Variants in FANCL observed in about 807,000 individuals in gnomAD.
FANCL encodes the protein FA complementation group L.
Under a neutral mutation model 59.4 loss-of-function variants are expected in FANCL, and 69 were observed. The observed-to-expected ratio is 1.16, with a 90% CI of 0.96 to 1.42. FANCL has a LOEUF of 1.42. FANCL is among the 40% of genes most tolerant of loss of function. The probability of loss-of-function intolerance (pLI) is 0.00; values close to 1 mark genes in which losing one functional copy is unlikely to be tolerated. For missense variants in FANCL, 519 were observed against 447.2 expected (o/e 1.16, Z -1.45); for synonymous variants, 180 against 147.1 (o/e 1.22, Z -1.62).
chr2:58,179,546 A>G (rs1408189931), intron 7 of FANCL, among the ~76,000 whole-genome samples: 1 of 152,214 alleles, frequency 6.6e-6, no homozygotes, highest in African/African-American at 2.4e-5. Flanking sequence ...AGAAAACTCA[A>G]ACGGGACCCC....
At chr2:58,236,335 CAGTATCAAA>C (rs1694019869) in intron 1 of FANCL, among the ~76,000 whole-genome samples, 1 of 151,732 alleles carries the variant, frequency 6.6e-6, no homozygotes, top group African/African-American at 2.4e-5. Flanking sequence ...AACATCTTTA[CAGTATCAAA>C]AGTGACAAAA....
At position 58,204,237 on chromosome 2, in the gene FANCL, G is replaced by A. The variant is rs375626670; in HGVS notation, c.375-11C>T. The A allele has an allele frequency of 3.1e-6, 5 of 1,605,726 alleles. No individual in the cohort carries two copies. In the African/African-American group the frequency reaches 5.4e-5, roughly 17 times the overall value. On this transcript the variant is annotated splice_polypyrimidine_tract_variant and intron_variant, in intron 5 of 13. Transcript: ENST00000233741. ...TCCGCATACACAAGTCTGGTGAGCAGAGGAGAATAAAAAATGATCACACCG... is the reference window on the plus strand; with the variant it reads ...TCCGCATACACAAGTCTGGTGAGCAAAGGAGAATAAAAAATGATCACACCG...
At chr2:58,195,988 A>T (rs1689386649) in intron 7 of FANCL, among the ~76,000 whole-genome samples, 1 of 152,184 alleles carries the variant, frequency 6.6e-6, no homozygotes, top group African/African-American at 2.4e-5. Context: ...GTTTGTCAGA[A>T]TTTGTGAATA....
chr2:58,220,921 T>C (rs1434997609), intron 5 of FANCL, among the ~76,000 whole-genome samples: 1 of 152,036 alleles, frequency 6.6e-6, no homozygotes, highest in Non-Finnish European at 1.5e-5. Flanking sequence ...GGTTAAGAAG[T>C]GATAAGAATT....
At chr2:58,188,732 G>A (rs117006588) in intron 7 of FANCL, among the ~76,000 whole-genome samples, 16 of 149,816 alleles carry the variant, frequency 1.1e-4, no homozygotes, top group East Asian at 3.9e-4. Flanking sequence ...GAGACACTGC[G>A]ACCAGCCATA....
intron 4 of FANCL, 73 bp from the exon 5 acceptor site, chr2:58,222,115 C>T (rs1573778513): frequency 2.9e-6 from 3 of 1,038,618 alleles, no homozygotes; most frequent in East Asian, 2.5e-5. Context: ...GATTGCAAAA[C>T]ATAATTTCAT....
At chr2:58,202,237 CCT>C (rs1690109659) in intron 6 of FANCL, among the ~76,000 whole-genome samples, 5 of 83,052 alleles carry the variant, frequency 6.0e-5, no homozygotes, top group South Asian at 4.1e-4. Flanking sequence ...ATACCTTTTT[CCT>C]AAAAAAAAAA....
chr2:58,217,705 T>G (rs949877055), intron 5 of FANCL, among the ~76,000 whole-genome samples: 1 of 151,878 alleles, frequency 6.6e-6, no homozygotes, highest in Admixed American at 6.6e-5. Flanking sequence ...AAGCAAAATT[T>G]TGAGGAACAA....
chr2:58,196,220 A>G (rs538537404), intron 7 of FANCL, among the ~76,000 whole-genome samples: 1 of 152,198 alleles, frequency 6.6e-6, no homozygotes, highest in Admixed American at 6.5e-5. Flanking sequence ...TTACTACTTA[A>G]AGGGAGAGAA....
At chr2:58,164,476 C>G (rs1019997508) in intron 8 of FANCL, among the ~76,000 whole-genome samples, 2 of 151,964 alleles carry the variant, frequency 1.3e-5, no homozygotes, top group African/African-American at 4.8e-5. Flanking sequence ...GCCCTCAACA[C>G]TGTCATCTGG....
chr2:58,211,933 T>C (rs1382215622), intron 5 of FANCL, among the ~76,000 whole-genome samples: 1 of 152,140 alleles, frequency 6.6e-6, no homozygotes, highest in Non-Finnish European at 1.5e-5. Context: ...AGTTCCAAAC[T>C]CTCCCACATT....
At chr2:58,169,454 C>A (rs894937731) in intron 7 of FANCL, among the ~76,000 whole-genome samples, 1 of 152,032 alleles carries the variant, frequency 6.6e-6, no homozygotes, top group African/African-American at 2.4e-5. Flanking sequence ...AGGAAAAACT[C>A]GCACAAAAAG....
At chr2:58,183,061 A>G (rs1019337297) in intron 7 of FANCL, among the ~76,000 whole-genome samples, 2 of 151,868 alleles carry the variant, frequency 1.3e-5, no homozygotes, top group East Asian at 1.9e-4. Flanking sequence ...AGCCATTATT[A>G]TAAGACATAT....
In FANCL at chr2:58,195,313, T is replaced by G. The variant is rs937863095; in HGVS notation, c.540+3281A>C. 6.6e-5 allele frequency among the ~76,000 whole-genome samples: 10 copies of G among 152,234 alleles called. No homozygotes were observed. The South Asian group carries it at 2.1e-3, about 32-fold the overall frequency. ...GTCCTTATGATATACAGCCAGAATC[T>G]TATAGGTAAATGATATATTTTTTAA... On this transcript the variant is annotated intron_variant, in intron 7 of 13. Transcript: ENST00000233741.
At chr2:58,198,028 G>GGTGTGT (rs113480493) in intron 7 of FANCL, among the ~76,000 whole-genome samples, 95 of 150,438 alleles carry the variant, frequency 6.3e-4, no homozygotes, top group African/African-American at 1.7e-3. Flanking sequence ...CAGGCTGGAT[G>GGTGTGT]GTGTGTGTGT....
chr2:58,194,455 G>A (rs559296990), intron 7 of FANCL, among the ~76,000 whole-genome samples: 1 of 152,286 alleles, frequency 6.6e-6, no homozygotes, highest in Non-Finnish European at 1.5e-5. Flanking sequence ...AAAATTATGA[G>A]ATGTTCTCAT....
chr2:58,175,011 T>C (rs1213387453), intron 7 of FANCL, among the ~76,000 whole-genome samples: 3 of 151,956 alleles, frequency 2.0e-5, no homozygotes, highest in Admixed American at 2.0e-4. Flanking sequence ...AACACCTCTA[T>C]GCAAATAAAC....
rs1684749973 is a variant in FANCL, at chr2:58,159,586, A to G, written c.*179T>C. ...AAGTTCAACTGGACTTTGGCCTACA[A>G]TTTCCCAGTTTACTCTTAGTGAAGA... On this transcript the variant is annotated 3_prime_UTR_variant, in exon 14 of 14. Coordinates refer to ENST00000233741, the MANE Select transcript of FANCL (RefSeq NM_018062.4). The G allele has an allele frequency of 1.2e-6, 2 of 1,613,682 alleles. No individual in the cohort carries two copies. The highest frequency in any genetic ancestry group is 1.3e-5 in the African/African-American group (1 of 74,908).
chr2:58,195,579 C>A (rs1202719715), intron 7 of FANCL, among the ~76,000 whole-genome samples: 1 of 151,822 alleles, frequency 6.6e-6, no homozygotes, highest in Non-Finnish European at 1.5e-5. Flanking sequence ...TGTGACCAGA[C>A]TGAAAGTTAA....
Sources: allele counts gnomAD v4.1 joint callset (sites outside exome capture counted in the v4.1 genomes callset), GRCh38; gene constraint gnomAD v4.1.1; transcripts MANE v1.5; gene names NCBI Gene and HGNC (gene_info 2026-07-23, HGNC 2026-07-21).